ACAP2: variants seen among roughly 807,000 people sequenced by gnomAD.
ACAP2 encodes arf-GAP with coiled-coil, ANK repeat and PH domain-containing protein 2.
Under a neutral mutation model 115.8 loss-of-function variants are expected in ACAP2, and 39 were observed. The observed-to-expected ratio is 0.34, with a 90% CI of 0.26 to 0.44. The LOEUF is 0.44. Among genes scored for constraint, ACAP2 ranks in the 20% least tolerant of loss-of-function variants. ACAP2 has a pLI of 1.00. For synonymous variants in ACAP2, 289 were observed against 315.8 expected, an observed-to-expected ratio of 0.92 and a Z score of 0.90; for missense variants, 662 against 927.6, an observed-to-expected ratio of 0.71 and a Z score of 3.72.
chr3:195,305,601 C>A (rs1728368827), intron 13 of ACAP2, among the ~76,000 whole-genome samples: 1 of 152,126 alleles, frequency 6.6e-6, no homozygotes, highest in Non-Finnish European at 1.5e-5. Flanking sequence ...GTAAGGAAAT[C>A]CCAGACTGAC....
At chr3:195,405,792 G>C (rs988881935) in intron 1 of ACAP2, among the ~76,000 whole-genome samples, 1 of 152,160 alleles carries the variant, frequency 6.6e-6, no homozygotes, top group African/African-American at 2.4e-5. Context: ...GCTTCAGGAA[G>C]GCCTCAGGAA....
chr3:195,332,943 T>C, intron 8 of ACAP2, 85 bp downstream of exon 8: 2 of 970,536 alleles, frequency 2.1e-6, no homozygotes, highest in East Asian at 3.0e-5. Flanking sequence ...GAGAACAAAC[T>C]AGTACACCTC....
chr3:195,297,549 G>C (rs1460087834), intron 15 of ACAP2, among the ~76,000 whole-genome samples: 1 of 152,110 alleles, frequency 6.6e-6, no homozygotes, highest in Non-Finnish European at 1.5e-5. Context: ...GTTTATCTAT[G>C]TATCTATCTA....
At chr3:195,311,768 C>T (rs1027016828) in intron 10 of ACAP2, among the ~76,000 whole-genome samples, 1 of 151,938 alleles carries the variant, frequency 6.6e-6, no homozygotes, top group Non-Finnish European at 1.5e-5. Flanking sequence ...AACTCCTGAC[C>T]TCAAGTGATC....
chr3:195,292,493 T>G, intron 18 of ACAP2, 41 bp from the exon 19 acceptor site: 48 of 1,505,288 alleles, frequency 3.2e-5, no homozygotes, highest in East Asian at 4.5e-5. Context: ...AATGAGCTCT[T>G]GGCAGAAAAA....
At chr3:195,394,063 A>G (rs1258731201) in intron 1 of ACAP2, among the ~76,000 whole-genome samples, 1 of 152,152 alleles carries the variant, frequency 6.6e-6, no homozygotes, top group Non-Finnish European at 1.5e-5. Flanking sequence ...GCAACTATGC[A>G]TTTCTAAGCA....
chr3:195,346,838 A>G (rs769398003), intron 4 of ACAP2, among the ~76,000 whole-genome samples: 2 of 152,238 alleles, frequency 1.3e-5, no homozygotes, highest in African/African-American at 2.4e-5. Flanking sequence ...AAGAATGATT[A>G]TTAATACATG....
intron 4 of ACAP2, among the ~76,000 whole-genome samples, chr3:195,365,790 AAT>A (rs1328491507): frequency 6.6e-6 from 1 of 152,100 alleles, no homozygotes; most frequent in Non-Finnish European, 1.5e-5. Flanking sequence ...AATTGCTCGC[AAT>A]ATGTCAATGA....
At chr3:195,316,749 T>A (rs1391947459) in intron 10 of ACAP2, among the ~76,000 whole-genome samples, 1 of 152,156 alleles carries the variant, frequency 6.6e-6, no homozygotes, top group Non-Finnish European at 1.5e-5. Flanking sequence ...TCAAATATAA[T>A]CATTATTCTT....
At chr3:195,338,656 A>G (rs574268993) in intron 6 of ACAP2, among the ~76,000 whole-genome samples, 63 of 152,280 alleles carry the variant, frequency 4.1e-4, no homozygotes, top group Non-Finnish European at 4.4e-4. Flanking sequence ...GACTAAATTT[A>G]CTGAAAGATC....
rs1312723103 is a variant in ACAP2 at position 195,302,122 on chromosome 3, T to C, written c.1169A>G (p.Glu390Gly). 2 of 1,614,144 alleles carry C rather than the reference T, an allele frequency of 1.2e-6. No homozygotes were observed. The highest frequency in any genetic ancestry group is 8.5e-7 in the Non-Finnish European group (1 of 1,180,034). The change falls in exon 14 of 23, where the codon GAG (glutamate) becomes GGG (glycine). Residue 390 changes from glutamate to glycine, a missense_variant. Transcript: ENST00000326793. ...TCCTTTCAATAATTTCTCTTTGGACTCATTTCCAGAATCTAGGCTTCCTGT... is the reference window on the plus strand; with the variant it reads ...TCCTTTCAATAATTTCTCTTTGGACCCATTTCCAGAATCTAGGCTTCCTGT... ...PSTGSLDSGN[E>G]SKEKLLKGES...
chr3:195,285,953 G>A (rs1416541633), intron 21 of ACAP2, 96 bp from the exon 22 acceptor site: 1 of 888,870 alleles, frequency 1.1e-6, no homozygotes, highest in African/African-American at 1.7e-5. Flanking sequence ...TAATGTAATT[G>A]TGTTTTATTT....
intron 21 of ACAP2, among the ~76,000 whole-genome samples, chr3:195,288,068 C>T (rs914532308): frequency 6.6e-6 from 1 of 150,948 alleles, no homozygotes; most frequent in Non-Finnish European, 1.5e-5. Flanking sequence ...CATTGCACTC[C>T]AGCCTGGGCA....
intron 1 of ACAP2, among the ~76,000 whole-genome samples, chr3:195,440,468 T>C (rs767018533): frequency 3.9e-5 from 6 of 152,226 alleles, no homozygotes; most frequent in Non-Finnish European, 7.3e-5. Flanking sequence ...GACAGTTATG[T>C]GCACACACTA....
At chr3:195,424,279 ATATATTTTTTTTTTTTTTTT>A (rs1275303914) in intron 1 of ACAP2, among the ~76,000 whole-genome samples, 2 of 50,698 alleles carry the variant, frequency 3.9e-5, no homozygotes, top group African/African-American at 1.4e-4. Context: ...ATATATATAT[ATATATTTTTTTTTTTTTTTT>A]TTTTTTTTTT....
chr3:195,290,264 G>A (rs1371837234), intron 20 of ACAP2, among the ~76,000 whole-genome samples: 1 of 152,050 alleles, frequency 6.6e-6, no homozygotes, highest in Non-Finnish European at 1.5e-5. Flanking sequence ...AGCCACTTGG[G>A]AAGCTGAGGC....
At chr3:195,348,699 T>C (rs959127491) in intron 4 of ACAP2, among the ~76,000 whole-genome samples, 34 of 152,306 alleles carry the variant, frequency 2.2e-4, no homozygotes, top group Non-Finnish European at 3.1e-4. Flanking sequence ...TAATTCACCA[T>C]GTTAACAGAC....
chr3:195,330,888 C>A (rs546281253), intron 8 of ACAP2, among the ~76,000 whole-genome samples: 185 of 152,244 alleles, frequency 1.2e-3, no homozygotes, highest in African/African-American at 4.1e-3. Flanking sequence ...TCCTTCTTCC[C>A]ATTAGCTGGA....
intron 9 of ACAP2, among the ~76,000 whole-genome samples, chr3:195,321,379 T>C (rs1180181608): frequency 6.6e-6 from 1 of 151,840 alleles, no homozygotes; most frequent in African/African-American, 2.4e-5. Flanking sequence ...TACGCCATCA[T>C]GCCCAGCTAA....
Sources: gnomAD v4.1 joint callset for allele counts (sites outside exome capture counted in the v4.1 genomes callset) on GRCh38, gnomAD v4.1.1 for gene constraint, MANE v1.5 for transcripts, NCBI Gene and HGNC (gene_info 2026-07-23, HGNC 2026-07-21) for gene names.